Variants in PRKN observed in about 807,000 individuals in gnomAD.
The protein encoded by PRKN is parkin RBR E3 ubiquitin protein ligase, also known as E3 ubiquitin-protein ligase parkin.
In PRKN, 56 loss-of-function variants were observed where a neutral mutation model predicts 59.5. The observed-to-expected ratio is 0.94, with a 90% CI of 0.76 to 1.18. The LOEUF (loss-of-function observed/expected upper bound fraction) is 1.18, where lower values mean the gene tolerates loss of function less well. Ranked by LOEUF, PRKN falls within the 50% of genes most tolerant of loss-of-function variation. PRKN has a pLI of 0.00. For missense variants in PRKN, 657 were observed against 596.4 expected, an observed-to-expected ratio of 1.10 and a Z score of -1.06; for synonymous variants, 250 against 222.1, an observed-to-expected ratio of 1.13 and a Z score of -1.12.
At position 161,483,495 on chromosome 6, in the gene PRKN, T is replaced by C. The variant is rs1195857697; in HGVS notation, c.1083+65359A>G. Among the ~76,000 whole-genome samples, 1 of 152,176 alleles carries C rather than the reference T, an allele frequency of 6.6e-6. No homozygotes were observed. The highest frequency in any genetic ancestry group is 6.5e-5 in the Admixed American group (1 of 15,284). ...AGGTCAGGAAAGGGGTCATAGCTCA[T>C]AGAATATGGACTTGCATTAATTCCC... On this transcript the variant is annotated intron_variant, in intron 9 of 11. Coordinates refer to ENST00000366898, the MANE Select transcript of PRKN (RefSeq NM_004562.3). The surrounding 1 kb of genome is among the most constrained non-coding windows in gnomAD (Gnocchi z 5.0).
intron 2 of PRKN, among the ~76,000 whole-genome samples, chr6:162,362,824 A>G (rs1319035016): frequency 2.0e-5 from 3 of 151,976 alleles, no homozygotes; most frequent in Admixed American, 6.6e-5. Context: ...AAAAAACACT[A>G]TTCTATAAAA....
At position 161,470,119 on chromosome 6, in the gene PRKN, A is replaced by C. The variant is rs1295840410; in HGVS notation, c.1083+78735T>G. Reference sequence around the variant, plus strand: ...GAGCCACAGAGAAGTTAATTTGCTCAAAATTGCATAGCTAGGAAGTGAACT... The same window carrying C: ...GAGCCACAGAGAAGTTAATTTGCTCCAAATTGCATAGCTAGGAAGTGAACT... On this transcript the variant is annotated intron_variant, in intron 9 of 11. Transcript: ENST00000366898. This position sits in a 1 kb window ranked among gnomAD's most constrained non-coding sequence, Gnocchi z 5.1. 6.6e-6 allele frequency among the ~76,000 whole-genome samples: 1 copy of C among 152,226 alleles called. No individual in the cohort carries two copies. Among genetic ancestry groups the C allele is most frequent in the Non-Finnish European group, 1.5e-5 (1 of 68,042 alleles).
At chr6:162,510,393 G>C (rs1349205007) in intron 1 of PRKN, among the ~76,000 whole-genome samples, 1 of 152,142 alleles carries the variant, frequency 6.6e-6, no homozygotes, top group East Asian at 1.9e-4. Flanking sequence ...TTTCTCACGT[G>C]TGAGAGGGCG....
chr6:162,595,061 C>T (rs910925592), intron 1 of PRKN, among the ~76,000 whole-genome samples: 2 of 151,834 alleles, frequency 1.3e-5, no homozygotes, highest in Admixed American at 6.6e-5. Context: ...GTAGTCCCAG[C>T]TACTTGGGAG....
At chr6:161,641,086 T>C (rs1433265828) in intron 7 of PRKN, among the ~76,000 whole-genome samples, 2 of 152,204 alleles carry the variant, frequency 1.3e-5, no homozygotes, top group Non-Finnish European at 1.5e-5. Context: ...TTCCCGGGCA[T>C]AGGACAAACT....
At chr6:162,334,089 AAGGTTGAAGCTAGCAG>A (rs1213239528) in intron 2 of PRKN, among the ~76,000 whole-genome samples, 1 of 152,186 alleles carries the variant, frequency 6.6e-6, no homozygotes, top group Non-Finnish European at 1.5e-5. Flanking sequence ...TGTAAAAGAC[AAGGTTGAAGCTAGCAG>A]AGGTTGGTTC....
chr6:162,021,868 T>C lies in PRKN; in HGVS notation c.618+32223A>G, dbSNP rs116709146. On this transcript the variant is annotated intron_variant, in intron 5 of 11. Transcript: ENST00000366898. ...TCTTTCCCTCCCTACTTTAGAATTC[T>C]CCAGTGTCTATTGTACCCGTCTTTA... Among the ~76,000 whole-genome samples, 1,152 of 152,210 alleles carry C rather than the reference T, an allele frequency of 7.6e-3. 16 individuals carry two copies. Among genetic ancestry groups the C allele is most frequent in the African/African-American group, 0.025 (1,045 of 41,534 alleles).
rs1281958838 is a variant in PRKN, at chr6:161,530,200, C to T, written c.1083+18654G>A. Among the ~76,000 whole-genome samples, 1 of 152,136 alleles carries T rather than the reference C, an allele frequency of 6.6e-6. No individual in the cohort carries two copies. Among genetic ancestry groups the T allele is most frequent in the African/African-American group, 2.4e-5 (1 of 41,434 alleles). On this transcript the variant is annotated intron_variant, in intron 9 of 11. Coordinates refer to ENST00000366898, the MANE Select transcript of PRKN (RefSeq NM_004562.3). This position sits in a 1 kb window ranked among gnomAD's most constrained non-coding sequence, Gnocchi z 5.0. ...AGCACAGGAAAGAGAACAAAGAGAACAAAAACTACTTGGATTGTCTGGAGG... is the reference window on the plus strand; with the variant it reads ...AGCACAGGAAAGAGAACAAAGAGAATAAAAACTACTTGGATTGTCTGGAGG...
At position 162,116,086 on chromosome 6, in the gene PRKN, C is replaced by T. The variant is rs185246657; in HGVS notation, c.535-61912G>A. Among the ~76,000 whole-genome samples, 147 of 152,274 alleles carry T rather than the reference C, an allele frequency of 9.7e-4. 1 individual carries two copies. Among genetic ancestry groups the T allele is most frequent in the African/African-American group, 3.3e-3 (139 of 41,568 alleles). ...TCCTTATTTGCAGATCAAATTTACC[C>T]TTCAGCAAACTTCATGGGCTGACAC... On this transcript the variant is annotated intron_variant, in intron 4 of 11. Transcript: ENST00000366898.
At chr6:162,707,921 G>A (rs560553218) in intron 1 of PRKN, among the ~76,000 whole-genome samples, 3 of 152,038 alleles carry the variant, frequency 2.0e-5, no homozygotes, top group African/African-American at 7.3e-5. Flanking sequence ...CACCATGTTG[G>A]CCAAGTTGGT....
Position 161,417,783 on chromosome 6 carries a change from G to A in PRKN, c.1084-30906C>T, listed in dbSNP as rs1787918160. Among the ~76,000 whole-genome samples, 1 of 152,188 alleles carries A rather than the reference G, an allele frequency of 6.6e-6. No homozygotes were observed. The highest frequency in any genetic ancestry group is 6.5e-5 in the Admixed American group (1 of 15,278). ...CCTCTAGACCTAGAGAACCAAATTA[G>A]ATGAAAATACCAGCTTTTGTAAATC... On this transcript the variant is annotated intron_variant, in intron 9 of 11. Coordinates refer to ENST00000366898, the MANE Select transcript of PRKN (RefSeq NM_004562.3). This position sits in a 1 kb window ranked among gnomAD's most constrained non-coding sequence, Gnocchi z 5.4.
chr6:161,897,806 G>T (rs531491731), intron 6 of PRKN, among the ~76,000 whole-genome samples: 4 of 116,362 alleles, frequency 3.4e-5, no homozygotes, highest in Admixed American at 2.5e-4. Context: ...CGTCTCTACT[G>T]AAAATACAAA....
rs1670481813 is a variant in PRKN at position 161,483,571 on chromosome 6, T to C, written c.1083+65283A>G. On this transcript the variant is annotated intron_variant, in intron 9 of 11. Transcript: ENST00000366898. The surrounding 1 kb of genome is among the most constrained non-coding windows in gnomAD (Gnocchi z 5.0). ...CAGAATTCACTAAACTTCAATAAGC[T>C]ACAATTCTATCCTTACCTCACATGT... Among the ~76,000 whole-genome samples the C allele has an allele frequency of 6.6e-6, 1 of 152,190 alleles. No individual in the cohort carries two copies. Among genetic ancestry groups the C allele is most frequent in the African/African-American group, 2.4e-5 (1 of 41,438 alleles).
At chr6:161,367,683 T>A (rs1027957593) in intron 10 of PRKN, among the ~76,000 whole-genome samples, 1 of 152,154 alleles carries the variant, frequency 6.6e-6, no homozygotes, top group African/African-American at 2.4e-5. Flanking sequence ...AACACAGAGC[T>A]GTGTAGGCAT....
At chr6:162,721,542 A>G (rs932898240) in intron 1 of PRKN, among the ~76,000 whole-genome samples, 1 of 152,100 alleles carries the variant, frequency 6.6e-6, no homozygotes, top group Admixed American at 6.5e-5. Flanking sequence ...ATGCCTGTCT[A>G]GAAGGCCGCC....
At chr6:162,584,791 C>CT (rs1780947033) in intron 1 of PRKN, among the ~76,000 whole-genome samples, 1 of 8,606 alleles carries the variant, frequency 1.2e-4, no homozygotes, top group Non-Finnish European at 1.8e-4. Context: ...CTCTCCTCTC[C>CT]CCTCCCCTCC....
intron 7 of PRKN, among the ~76,000 whole-genome samples, chr6:161,734,692 CT>C (rs1425573735): frequency 6.6e-6 from 1 of 152,072 alleles, no homozygotes; most frequent in Non-Finnish European, 1.5e-5. Context: ...AAAACAGTTG[CT>C]TTTTTCACTT....
In PRKN at chr6:161,466,399, G is replaced by C. The variant is rs1291410646; in HGVS notation, c.1084-79522C>G. 6.6e-6 allele frequency among the ~76,000 whole-genome samples: 1 copy of C among 152,104 alleles called. No individual in the cohort carries two copies. Among genetic ancestry groups the C allele is most frequent in the Non-Finnish European group, 1.5e-5 (1 of 68,016 alleles). ...AAAAATCTCTGAAACTATGTAAGCT[G>C]TTTGGCTTGTTCTTTTTGTTACGGT... On this transcript the variant is annotated intron_variant, in intron 9 of 11. Transcript: ENST00000366898. This position sits in a 1 kb window ranked among gnomAD's most constrained non-coding sequence, Gnocchi z 5.0.
chr6:161,899,276 G>C (rs1021078715), intron 6 of PRKN, among the ~76,000 whole-genome samples: 3 of 152,210 alleles, frequency 2.0e-5, no homozygotes, highest in African/African-American at 7.2e-5. Context: ...CTTTCAGTAT[G>C]TTCCGATGAG....
Sources: gnomAD v4.1 joint callset for allele counts (sites outside exome capture counted in the v4.1 genomes callset) on GRCh38, gnomAD v4.1.1 for gene constraint, Gnocchi (gnomAD v3.1) non-coding constraint, MANE v1.5 for transcripts, NCBI Gene and HGNC (gene_info 2026-07-23, HGNC 2026-07-21) for gene names.